Variants in DDX24 observed in about 807,000 individuals in gnomAD.
DDX24 encodes the protein ATP-dependent RNA helicase DDX24.
In DDX24, 24 loss-of-function variants were observed where a neutral mutation model predicts 68.9. The ratio of observed to expected loss-of-function variants is 0.35; its 90% confidence interval spans 0.25 to 0.49. The LOEUF is 0.49. Among genes scored for constraint, DDX24 ranks in the 20% least tolerant of loss-of-function variants. The pLI is 0.99. For synonymous variants in DDX24, 395 were observed against 385.2 expected (o/e 1.03, Z -0.30); for missense variants, 989 against 1,039.0 (o/e 0.95, Z 0.66).
intron 8 of DDX24, chr14:94,051,730 C>G: frequency 2.6e-6 from 1 of 386,192 alleles, no homozygotes; most frequent in Non-Finnish European, 4.6e-6. Context: ...TGAGGCAACT[C>G]AGGGTTAGAG....
intron 2 of DDX24, among the ~76,000 whole-genome samples, chr14:94,063,926 C>A (rs1390832166): frequency 6.6e-6 from 1 of 152,090 alleles, no homozygotes; most frequent in Admixed American, 6.6e-5. Flanking sequence ...AAAAACAAAA[C>A]CCCTTATTTT....
chr14:94,052,286 T>G (rs572334704), intron 8 of DDX24, among the ~76,000 whole-genome samples: 1 of 152,312 alleles, frequency 6.6e-6, no homozygotes, highest in South Asian at 2.1e-4. Flanking sequence ...CCGGGCAGAT[T>G]CATCCCTGAA....
intron 2 of DDX24, among the ~76,000 whole-genome samples, chr14:94,071,562 A>G (rs1402986661): frequency 6.6e-6 from 1 of 152,188 alleles, no homozygotes; most frequent in African/African-American, 2.4e-5. Flanking sequence ...AAGCAGGAGA[A>G]TCACTTGAAC....
rs1229062931 is a variant in DDX24, at chr14:94,051,315, A to G, written c.2456T>C (p.Leu819Pro). 6.2e-7 allele frequency: 1 copy of G among 1,613,366 alleles called. No individual in the cohort carries two copies. Among genetic ancestry groups the G allele is most frequent in the Admixed American group, 1.7e-5 (1 of 59,860 alleles). The change falls in exon 9 of 9, where the codon CTT becomes CCT. Residue 819 changes from leucine to proline, a missense_variant. Physicochemically the swap from Leu to Pro is moderately conservative, Grantham distance 98 (BLOSUM62 -3). This residue lies in a region of DDX24 where 691 missense variants were observed against 760.0 expected (regional missense o/e 0.91). Coordinates refer to ENST00000621632, the MANE Select transcript of DDX24 (RefSeq NM_020414.4). ...YPTQSGKPPLLVSAPSKSESA... is the reference protein window; with the variant it reads ...YPTQSGKPPLPVSAPSKSESA... ...CTCGCTCTTACTTGGGGCAGACACA[A>G]GCAGGGGCGGCTTGCCAGACTGAGT...
rs1885336054 is a variant in DDX24, at chr14:94,048,927, AT to A, written c.*2263del. Reference sequence around the variant, plus strand: ...TTCTCCTAGCATTAAAATGGTTTCCATAACTACTTTTGTCCTGGCTTCTTAA... The same window carrying A: ...TTCTCCTAGCATTAAAATGGTTTCCAAACTACTTTTGTCCTGGCTTCTTAA... On this transcript the variant is annotated 3_prime_UTR_variant, in exon 9 of 9. Coordinates refer to ENST00000621632, the MANE Select transcript of DDX24 (RefSeq NM_020414.4). The A allele has an allele frequency of 6.6e-6, 1 of 152,274 alleles. No individual in the cohort carries two copies. Among genetic ancestry groups the A allele is most frequent in the East Asian group, 1.9e-4 (1 of 5,200 alleles). 9.4% of individuals were successfully genotyped at this position (152,274 alleles called of 1,614,324 possible). A position where few individuals can be genotyped will look rare whatever the true frequency, so the allele number is the denominator to read the frequency against.
chr14:94,054,532 A>G (rs1014747980), intron 7 of DDX24, among the ~76,000 whole-genome samples: 8 of 152,110 alleles, frequency 5.3e-5, no homozygotes, highest in African/African-American at 1.9e-4. Context: ...AACCCACCCC[A>G]CTTTGGTCAC....
chr14:94,074,021 C>A (rs528631530), intron 2 of DDX24, among the ~76,000 whole-genome samples: 70 of 137,684 alleles, frequency 5.1e-4, no homozygotes, highest in Non-Finnish European at 9.2e-5. Context: ...CCAGCCTGGG[C>A]AACAGACCGA....
At chr14:94,068,759 G>A (rs1261825391) in intron 2 of DDX24, among the ~76,000 whole-genome samples, 2 of 152,174 alleles carry the variant, frequency 1.3e-5, no homozygotes, top group Non-Finnish European at 2.9e-5. Context: ...GCTCCTGAAT[G>A]AGCATTGGGT....
rs777491733 is a variant in DDX24 at position 94,051,467 on chromosome 14, A to G, written c.2309-5T>C. 6.5e-7 allele frequency: 1 copy of G among 1,535,840 alleles called. No homozygotes were observed. Among genetic ancestry groups the G allele is most frequent in the South Asian group, 1.3e-5 (1 of 77,772 alleles). On this transcript the variant is annotated splice_polypyrimidine_tract_variant and splice_region_variant and intron_variant, in intron 8 of 8. Transcript: ENST00000621632. Reference sequence around the variant, plus strand: ...CTTGCTGGTCAGCTTTTCCTCCTTGAAACACAATACAAAAACGATCCTATT... The same window carrying G: ...CTTGCTGGTCAGCTTTTCCTCCTTGGAACACAATACAAAAACGATCCTATT...
At chr14:94,069,612 A>C (rs546664679) in intron 2 of DDX24, among the ~76,000 whole-genome samples, 1 of 152,348 alleles carries the variant, frequency 6.6e-6, no homozygotes, top group South Asian at 2.1e-4. Flanking sequence ...AAAATCCTTA[A>C]CAAAATACTA....
intron 1 of DDX24, 111 bp downstream of exon 1, chr14:94,081,008 T>A (rs1410514223): frequency 6.6e-6 from 1 of 152,082 alleles, no homozygotes; most frequent in Non-Finnish European, 1.5e-5. Context: ...GCGGCCGCCC[T>A]CTCTGGACCC....
chr14:94,066,401 T>G lies in DDX24; in HGVS notation c.719-3780A>C, dbSNP rs150380918. ...GCCCCCACATGATGGTCCTTCCCTA[T>G]CCACCCTGGTAGCAGAAGACAAAGG... On this transcript the variant is annotated intron_variant, in intron 2 of 8. Transcript: ENST00000621632. Among the ~76,000 whole-genome samples, 1,118 of 152,182 alleles carry G rather than the reference T, an allele frequency of 7.3e-3. 10 individuals are homozygous for G. The highest frequency in any genetic ancestry group is 0.026 in the African/African-American group (1,066 of 41,538).
chr14:94,075,888 TA>T (rs1470047727), intron 2 of DDX24, among the ~76,000 whole-genome samples: 2 of 152,228 alleles, frequency 1.3e-5, no homozygotes, highest in African/African-American at 4.8e-5. Context: ...TCTACATTGC[TA>T]GTCACTAGGG....
intron 5 of DDX24, among the ~76,000 whole-genome samples, chr14:94,058,451 C>T (rs75163843): frequency 0.021 from 3,210 of 152,246 alleles, 113 homozygotes; most frequent in African/African-American, 0.073. Flanking sequence ...AACCCCTGCT[C>T]GACTTACTTC....
At chr14:94,060,679 C>T (rs1885578350) in intron 4 of DDX24, 66 bp from the exon 5 acceptor site, 1 of 1,559,594 alleles carries the variant, frequency 6.4e-7, no homozygotes. Context: ...CTATAGCACA[C>T]CCTACACTCA....
At chr14:94,076,687 A>AAAG (rs1885947751) in intron 2 of DDX24, among the ~76,000 whole-genome samples, 2 of 151,886 alleles carry the variant, frequency 1.3e-5, no homozygotes, top group East Asian at 3.9e-4. Flanking sequence ...TCTCAAAAAA[A>AAAG]AAAAAAAAAA....
intron 5 of DDX24, among the ~76,000 whole-genome samples, 164 bp downstream of exon 5, chr14:94,059,934 A>C (rs1367419552): frequency 6.6e-6 from 1 of 151,582 alleles, no homozygotes; most frequent in Non-Finnish European, 1.5e-5. Context: ...ACTAAATGAC[A>C]GTAACCTTGC....
intron 2 of DDX24, among the ~76,000 whole-genome samples, chr14:94,076,185 C>G (rs1358469493): frequency 1.3e-5 from 2 of 152,034 alleles, no homozygotes; most frequent in African/African-American, 4.8e-5. Context: ...TTTGTAATAG[C>G]CAAAAACAAG....
In DDX24 at chr14:94,055,355, G is replaced by A. The variant is rs528416870; in HGVS notation, c.1990-171C>T. The A allele has an allele frequency of 1.4e-4, 91 of 664,548 alleles. 1 individual carries two copies. The African/African-American group carries it at 1.5e-3, about 11-fold the overall frequency. The allele number at this position is 664,548 out of a possible 1,614,324, so 41.2% of individuals were successfully genotyped here. A position where few individuals can be genotyped will look rare whatever the true frequency, so the allele number is the denominator to read the frequency against. ...CCTCTCTTAGTCCCACATTCAAAAT[G>A]TTCCCAGGTTTAGCCCATTCACTGT... On this transcript the variant is annotated intron_variant, in intron 6 of 8. Coordinates refer to ENST00000621632, the MANE Select transcript of DDX24 (RefSeq NM_020414.4).
Sources: gnomAD v4.1 joint callset for allele counts (sites outside exome capture counted in the v4.1 genomes callset) on GRCh38, gnomAD v4.1.1 for gene constraint, gnomAD v4.1.1 regional missense constraint, MANE v1.5 for transcripts, NCBI Gene and HGNC (gene_info 2026-07-23, HGNC 2026-07-21) for gene names.